INVS: variants seen among roughly 807,000 people sequenced by gnomAD.
The protein encoded by INVS is inversion of embryo turning homolog.
A neutral mutation model predicts 108.8 loss-of-function variants in INVS; 86 were observed. That is an observed-to-expected ratio of 0.79 (90% CI 0.66 to 0.95). The LOEUF is 0.95. INVS is among the 40% of genes least tolerant of loss of function. The probability of loss-of-function intolerance (pLI) is 0.00; values close to 1 mark genes in which losing one functional copy is unlikely to be tolerated. For synonymous variants in INVS, 455 were observed against 473.5 expected (o/e 0.96, Z 0.51); for missense variants, 1,169 against 1,297.4 (o/e 0.90, Z 1.52).
chr9:100,144,740 G>A (rs1028072044), intron 3 of INVS, among the ~76,000 whole-genome samples: 13 of 152,028 alleles, frequency 8.6e-5, no homozygotes, highest in Admixed American at 8.5e-4. Flanking sequence ...TTGGGACTTA[G>A]CTCGGCCTGG....
chr9:100,282,073 A>G (rs892039439), intron 12 of INVS, among the ~76,000 whole-genome samples: 30 of 152,174 alleles, frequency 2.0e-4, no homozygotes, highest in African/African-American at 6.5e-4. Flanking sequence ...TAAAGAGCCA[A>G]TATCATTCTC....
At chr9:100,294,557 C>T (rs1212898342) in intron 14 of INVS, among the ~76,000 whole-genome samples, 1 of 152,184 alleles carries the variant, frequency 6.6e-6, no homozygotes, top group Non-Finnish European at 1.5e-5. Context: ...GAGCAGTATC[C>T]CCATTTTTCA....
intron 6 of INVS, among the ~76,000 whole-genome samples, chr9:100,241,509 A>T (rs1831871735): frequency 1.3e-5 from 2 of 152,114 alleles, no homozygotes; most frequent in South Asian, 4.1e-4. Flanking sequence ...CGAGGATACC[A>T]GTTGCCTGAA....
intron 2 of INVS, among the ~76,000 whole-genome samples, chr9:100,119,714 C>A (rs533347776): frequency 6.6e-6 from 1 of 152,200 alleles, no homozygotes; most frequent in Non-Finnish European, 1.5e-5. Context: ...CCCGCCACCA[C>A]ACCTGGCTGA....
chr9:100,292,250 T>C (rs1833640783), intron 13 of INVS, 76 bp from the exon 14 acceptor site: 3 of 1,295,092 alleles, frequency 2.3e-6, no homozygotes, highest in Non-Finnish European at 2.2e-6. Context: ...TAAGTCTGAA[T>C]ATTTTATGTG....
intron 11 of INVS, among the ~76,000 whole-genome samples, 173 bp downstream of exon 11, chr9:100,265,101 C>T (rs1832749452): frequency 6.6e-6 from 1 of 152,042 alleles, no homozygotes; most frequent in Admixed American, 6.6e-5. Flanking sequence ...CACGATCACA[C>T]CTGGCCAATT....
At position 100,246,687 on chromosome 9, in the gene INVS, T is replaced by C. The variant is rs1457973181; in HGVS notation, c.978T>C (p.Phe326=). Residue 326 remains phenylalanine (F), a synonymous_variant, in exon 8 of 17, where the codon TTT becomes TTC. Coordinates refer to ENST00000262457, the MANE Select transcript of INVS (RefSeq NM_014425.5). ...DDSDLEGRTS[F]MWAAGKGSDD... is the part of the protein sequence containing the mutation. Reference sequence around the variant, plus strand: ...CAGACCTGGAAGGAAGAACATCCTTTATGTGGGCAGCTGGCAAAGGCAGTG... The same window carrying C: ...CAGACCTGGAAGGAAGAACATCCTTCATGTGGGCAGCTGGCAAAGGCAGTG... 6.2e-7 allele frequency: 1 copy of C among 1,613,848 alleles called. No homozygotes were observed. Among genetic ancestry groups the C allele is most frequent in the East Asian group, 2.2e-5 (1 of 44,854 alleles).
chr9:100,292,236 A>G, intron 13 of INVS, 90 bp from the exon 14 acceptor site: 1 of 1,164,608 alleles, frequency 8.6e-7, no homozygotes, highest in Non-Finnish European at 1.3e-6. Context: ...GTGATGATAT[A>G]GGCTAAGTCT....
Position 100,299,635 on chromosome 9 carries a change from G to GACACAC in INVS, c.3092-892_3092-887dup, listed in dbSNP as rs10530240. Among the ~76,000 whole-genome samples, 525 of 132,326 alleles carry GACACAC rather than the reference G, an allele frequency of 4.0e-3. 2 individuals are homozygous for GACACAC. Among genetic ancestry groups the GACACAC allele is most frequent in the Non-Finnish European group, 6.3e-3 (379 of 60,520 alleles). The allele number at this position is 132,326 out of a possible 152,430, so 86.8% of individuals were successfully genotyped here. A position where few individuals can be genotyped will look rare whatever the true frequency, so the allele number is the denominator to read the frequency against. On this transcript the variant is annotated intron_variant, in intron 16 of 16. Transcript: ENST00000262457. ...AAGAATCTCAGCAGAGCCTTTTATT[G>GACACAC]ACACACACACACACACACACACACA...
intron 3 of INVS, among the ~76,000 whole-genome samples, chr9:100,219,179 T>C (rs2118357294): frequency 6.6e-6 from 1 of 151,542 alleles, no homozygotes; most frequent in East Asian, 1.9e-4. Flanking sequence ...AGAACTCCTA[T>C]AGATCAGTAA....
intron 5 of INVS, among the ~76,000 whole-genome samples, chr9:100,233,154 C>A (rs909303004): frequency 1.4e-4 from 21 of 152,116 alleles, no homozygotes; most frequent in Admixed American, 3.9e-4. Flanking sequence ...GGAGTTCACT[C>A]ATGATTTGCT....
chr9:100,265,076 G>T, intron 11 of INVS, 148 bp downstream of exon 11: 1 of 664,490 alleles, frequency 1.5e-6, no homozygotes, highest in Non-Finnish European at 2.7e-6. Context: ...CTGAGTACCT[G>T]GGATTACAGG....
intron 3 of INVS, among the ~76,000 whole-genome samples, chr9:100,164,325 G>A (rs372751435): frequency 1.3e-5 from 2 of 152,060 alleles, no homozygotes; most frequent in East Asian, 1.9e-4. Context: ...TCTAGTCACC[G>A]TGTTGTAGCC....
intron 13 of INVS, among the ~76,000 whole-genome samples, chr9:100,289,822 TATAAC>T (rs2118749188): frequency 6.6e-6 from 1 of 152,386 alleles, no homozygotes; most frequent in African/African-American, 2.4e-5. Context: ...ATAAAGCTAC[TATAAC>T]ATCCCTGTGC....
chr9:100,203,662 G>A (rs10819740), intron 3 of INVS, among the ~76,000 whole-genome samples: 27,264 of 151,682 alleles, frequency 0.18, 3,673 homozygotes, highest in African/African-American at 0.38. Flanking sequence ...GCCACCATGC[G>A]TGGCTAATTT....
At chr9:100,170,870 G>A (rs1207947697) in intron 3 of INVS, among the ~76,000 whole-genome samples, 1 of 152,134 alleles carries the variant, frequency 6.6e-6, no homozygotes, top group Admixed American at 6.5e-5. Context: ...AGTTTAATGG[G>A]GACAACAGAC....
chr9:100,273,729 G>A (rs1564186548), intron 12 of INVS, among the ~76,000 whole-genome samples: 1 of 148,342 alleles, frequency 6.7e-6, no homozygotes, highest in Non-Finnish European at 1.5e-5. Context: ...GTAGAGATGG[G>A]GTTTCACCAT....
chr9:100,275,187 T>C (rs1833077312), intron 12 of INVS, among the ~76,000 whole-genome samples: 1 of 152,208 alleles, frequency 6.6e-6, no homozygotes, highest in African/African-American at 2.4e-5. Flanking sequence ...TTTTCCAGCC[T>C]TCTTATAAAA....
intron 13 of INVS, among the ~76,000 whole-genome samples, chr9:100,286,648 A>G (rs568419487): frequency 3.3e-5 from 5 of 152,334 alleles, no homozygotes; most frequent in African/African-American, 1.2e-4. Context: ...TTTGGTACAT[A>G]TTCATTCATT....
Sources: gnomAD v4.1 joint callset for allele counts (sites outside exome capture counted in the v4.1 genomes callset) on GRCh38, gnomAD v4.1.1 for gene constraint, MANE v1.5 for transcripts, NCBI Gene and HGNC (gene_info 2026-07-23, HGNC 2026-07-21) for gene names.